The following EPB42 variants were observed in gnomAD, a reference collection of about 807,000 sequenced individuals.
EPB42 encodes the protein erythrocyte membrane protein band 4.2.
In EPB42, 49 loss-of-function variants were observed where a neutral mutation model predicts 76.9. The observed-to-expected ratio is 0.64, with a 90% CI of 0.51 to 0.81. The LOEUF is 0.81. Among genes scored for constraint, EPB42 ranks in the 30% least tolerant of loss-of-function variants. The pLI is 0.00. For missense variants in EPB42, 731 were observed against 867.6 expected (o/e 0.84, Z 1.98); for synonymous variants, 310 against 338.4 (o/e 0.92, Z 0.92).
chr15:43,208,150 G>T, intron 8 of EPB42, 80 bp downstream of exon 8: 2 of 1,282,502 alleles, frequency 1.6e-6, no homozygotes, highest in Non-Finnish European at 1.1e-6. Context: ...CCTTGGGACT[G>T]CCTGCTGCTC....
At chr15:43,208,846 T>G in intron 6 of EPB42, 71 bp from the exon 7 acceptor site, 1 of 1,541,494 alleles carries the variant, frequency 6.5e-7, no homozygotes, top group Admixed American at 1.9e-5. Context: ...GAGGCTAGGA[T>G]TTTCAGTGTC....
At chr15:43,220,561 A>ACCTCCG (rs942725521) in intron 1 of EPB42, among the ~76,000 whole-genome samples, 2 of 149,382 alleles carry the variant, frequency 1.3e-5, no homozygotes, top group African/African-American at 4.9e-5. Context: ...CATCACCATC[A>ACCTCCG]CCTCCGCCTC....
In EPB42 at chr15:43,215,265, C is replaced by T. The variant is rs370209252; in HGVS notation, c.260G>A (p.Arg87Gln). 2.2e-5 allele frequency: 36 copies of T among 1,614,120 alleles called. No homozygotes were observed. The African/African-American group carries it at 3.5e-4, about 16-fold the overall frequency. The change falls in exon 3 of 13, where the codon CGA (arginine) becomes CAA (glutamine). Residue 87 changes from arginine (R) to glutamine (Q), a missense_variant. By Grantham distance (43) the Arg-to-Gln change is conservative (BLOSUM62 1). Transcript: ENST00000441366. ...CTCCACCACTGCACTCCACCACTTT[C>T]GGTCCCCCAGACTGGAAATTGGGAA... ...ATFPISSLGD[R>Q]KWWSAVVEER...
chr15:43,209,027 T>G (rs2042250432), intron 6 of EPB42, among the ~76,000 whole-genome samples: 1 of 152,202 alleles, frequency 6.6e-6, no homozygotes, highest in Non-Finnish European at 1.5e-5. Flanking sequence ...GGGGCTGCTC[T>G]GCTAGGGCAG....
chr15:43,208,521 T>C, intron 7 of EPB42, 116 bp downstream of exon 7: 1 of 1,550,954 alleles, frequency 6.4e-7, no homozygotes, highest in South Asian at 1.1e-5. Context: ...TCTAAGGGTC[T>C]TGAAAGCCTA....
chr15:43,200,252 T>C (rs529684642), intron 12 of EPB42, among the ~76,000 whole-genome samples: 25 of 152,304 alleles, frequency 1.6e-4, no homozygotes, highest in Admixed American at 3.9e-4. Flanking sequence ...CAGTCCCTTC[T>C]CTTGATTTCT....
At chr15:43,219,943 T>TA (rs770805269) in intron 1 of EPB42, among the ~76,000 whole-genome samples, 1,633 of 137,790 alleles carry the variant, frequency 0.012, 33 homozygotes, top group African/African-American at 0.038. Context: ...AGACTCCGTT[T>TA]AAAAAAAAAA....
chr15:43,208,083 C>T, intron 8 of EPB42, 147 bp downstream of exon 8: 1 of 720,888 alleles, frequency 1.4e-6, no homozygotes, highest in Non-Finnish European at 2.4e-6. Context: ...ATCAGGTCAG[C>T]TTTCTGCTGG....
At chr15:43,212,584 G>T (rs1027302252) in intron 3 of EPB42, among the ~76,000 whole-genome samples, 1 of 152,166 alleles carries the variant, frequency 6.6e-6, no homozygotes, top group Non-Finnish European at 1.5e-5. Context: ...GGGAAGAGGA[G>T]CATTTGGCAA....
At chr15:43,216,222 A>AC (rs1183003054) in intron 2 of EPB42, 46 bp downstream of exon 2, 6 of 1,606,626 alleles carry the variant, frequency 3.7e-6, no homozygotes, top group African/African-American at 2.7e-5. Flanking sequence ...AGAACAGAGA[A>AC]CCCCCCAGGC....
At position 43,216,436 on chromosome 15, in the gene EPB42, A is replaced by C; in HGVS notation, c.28T>G (p.Cys10Gly). 6.2e-7 allele frequency: 1 copy of C among 1,614,200 alleles called. No individual in the cohort carries two copies. Among genetic ancestry groups the C allele is most frequent in the Non-Finnish European group, 8.5e-7 (1 of 1,180,046 alleles). MGQALGIKSCDFQAARNNEE... is the reference protein window; with the variant it reads MGQALGIKSGDFQAARNNEE... ...TTGTTTCTTGCTGCCTGAAAGTCAC[A>C]GCTCTTGATACCCAGGGCTGTTGTG... is the stretch of plus-strand genomic sequence containing the variant. The change falls in exon 2 of 13, where the codon TGT becomes GGT. Residue 10 changes from cysteine to glycine, a missense_variant. Physicochemically the swap from Cys to Gly is radical, Grantham distance 159. Transcript: ENST00000441366.
upstream of EPB42, among the ~76,000 whole-genome samples, chr15:43,224,078 C>A (rs1439338301): frequency 2.6e-5 from 4 of 152,192 alleles, no homozygotes; most frequent in Admixed American, 6.5e-5. Context: ...GCTTAAACAA[C>A]AGATATTTAT....
At chr15:43,211,372 G>T in intron 4 of EPB42, 44 bp downstream of exon 4, 1 of 1,214,898 alleles carries the variant, frequency 8.2e-7, no homozygotes, top group Non-Finnish European at 1.2e-6. Flanking sequence ...GCAAGGTTAT[G>T]GGACAGTCAC....
chr15:43,214,087 G>A (rs1008440139), intron 3 of EPB42, among the ~76,000 whole-genome samples: 8 of 152,248 alleles, frequency 5.3e-5, no homozygotes, highest in African/African-American at 1.7e-4. Context: ...CTATGTACTC[G>A]TTTGATGTTG....
upstream of EPB42, among the ~76,000 whole-genome samples, chr15:43,222,923 G>A (rs747304839): frequency 6.6e-6 from 1 of 151,986 alleles, no homozygotes; most frequent in Non-Finnish European, 1.5e-5. Flanking sequence ...AGTTAACTTG[G>A]GAAAACCTTT....
Position 43,215,204 on chromosome 15 carries a change from G to A in EPB42, c.321C>T (p.Thr107=). 6.2e-7 allele frequency: 1 copy of A among 1,614,230 alleles called. No individual in the cohort carries two copies. Among genetic ancestry groups the A allele is most frequent in the Non-Finnish European group, 8.5e-7 (1 of 1,180,050 alleles). Reference sequence around the variant, plus strand: ...GGCCAATGACAGCGTCCGCAGGTGTGGTCACAGAGATGGTCCAGGACTGGG... The same window carrying A: ...GGCCAATGACAGCGTCCGCAGGTGTAGTCACAGAGATGGTCCAGGACTGGG... ...RDAQSWTISV[T]TPADAVIGHY... is the part of the protein sequence containing the mutation. Residue 107 remains threonine, a synonymous_variant, in exon 3 of 13, where the codon ACC becomes ACT. Transcript: ENST00000441366.
Position 43,206,297 on chromosome 15 carries a change from C to T in EPB42, c.1618+33G>A, listed in dbSNP as rs201549468. The T allele has an allele frequency of 3.7e-5, 58 of 1,575,466 alleles. No individual in the cohort carries two copies. The highest frequency in any genetic ancestry group is 3.2e-4 in the East Asian group (14 of 44,172). ...GCAGGGGCCATGTGTGTGTGTGTGT[C>T]GGGGGGTGTCTGGTGGGGCCATAGA... On this transcript the variant is annotated intron_variant, in intron 10 of 12. Transcript: ENST00000441366. This position sits in a 1 kb window ranked among gnomAD's most constrained non-coding sequence, Gnocchi z 4.7.
intron 12 of EPB42, among the ~76,000 whole-genome samples, chr15:43,198,479 G>A (rs1363420241): frequency 8.5e-5 from 13 of 152,316 alleles, no homozygotes; most frequent in African/African-American, 3.1e-4. Flanking sequence ...AGGGTATCTG[G>A]TGGAAGAAAT....
intron 8 of EPB42, 115 bp from the exon 9 acceptor site, chr15:43,207,556 G>C: frequency 6.6e-7 from 1 of 1,522,614 alleles, no homozygotes; most frequent in Non-Finnish European, 8.9e-7. Context: ...CGAGGACCAA[G>C]GTCAGAGGTG....
Sources: allele counts gnomAD v4.1 joint callset (sites outside exome capture counted in the v4.1 genomes callset), GRCh38; gene constraint gnomAD v4.1.1; non-coding constraint Gnocchi (gnomAD v3.1); transcripts MANE v1.5; gene names NCBI Gene and HGNC (gene_info 2026-07-23, HGNC 2026-07-21).